The following CD46 variants were observed in gnomAD, a reference collection of about 807,000 sequenced individuals.
CD46 encodes the protein membrane cofactor protein.
A neutral mutation model predicts 53.3 loss-of-function variants in CD46; 30 were observed. The ratio of observed to expected loss-of-function variants is 0.56; its 90% CI spans 0.42 to 0.76. The LOEUF (loss-of-function observed/expected upper bound fraction) is 0.76, where lower values mean the gene tolerates loss of function less well. Among genes scored for constraint, CD46 ranks in the 30% least tolerant of loss-of-function variants. The pLI is 0.00. For missense variants in CD46, 409 were observed against 463.0 expected, an observed-to-expected ratio of 0.88 and a Z score of 1.07; for synonymous variants, 142 against 152.0, an observed-to-expected ratio of 0.93 and a Z score of 0.48.
Position 207,793,647 on chromosome 1 carries a change from A to G in CD46, c.*170A>G, listed in dbSNP as rs535193563. On this transcript the variant is annotated 3_prime_UTR_variant, in exon 13 of 13. Coordinates refer to ENST00000367042, the MANE Select transcript of CD46 (RefSeq NM_172351.3). ...TCTTTTGACTCTATTAAAATCTTCA[A>G]TAGTTGTTATTCTGTAGTTTCACTC... 7 of 1,393,846 alleles carry G rather than the reference A, an allele frequency of 5.0e-6. No individual in the cohort carries two copies. The East Asian group carries it at 6.8e-5, about 14-fold the overall frequency. 86.3% of individuals were successfully genotyped at this position (1,393,846 alleles called of 1,614,324 possible).
intron 8 of CD46, among the ~76,000 whole-genome samples, chr1:207,779,675 T>G (rs1363165428): frequency 6.6e-6 from 1 of 152,148 alleles, no homozygotes; most frequent in Non-Finnish European, 1.5e-5. Context: ...TCTTTGCACT[T>G]AAATCATTAG....
chr1:207,785,653 C>T lies in CD46; in HGVS notation c.1053C>T (p.Tyr351=). The change falls in exon 11 of 13, where the codon TAC becomes TAT. Residue 351 remains tyrosine (Y), a synonymous_variant. Transcript: ENST00000367042. ...VGVAVICVVP[Y]RYLQRRKKKG... is the part of the protein sequence containing the mutation. ...TTGCAGTAATTTGTGTTGTCCCGTA[C>T]AGATATCTTCAAAGGAGGAAGAAGA... is the stretch of plus-strand genomic sequence containing the variant. The T allele has an allele frequency of 6.2e-7, 1 of 1,610,418 alleles. No individual in the cohort carries two copies. The highest frequency in any genetic ancestry group is 1.7e-5 in the Admixed American group (1 of 59,990).
chr1:207,757,709 T>A, intron 3 of CD46, 67 bp downstream of exon 3: 1 of 1,007,496 alleles, frequency 9.9e-7, no homozygotes, highest in Non-Finnish European at 1.5e-6. Context: ...CTTCTCTTCT[T>A]AAGCATTCCT....
In CD46 at chr1:207,759,920, T is replaced by TTA. The variant is rs200306931; in HGVS notation, c.475+197_475+198insAT. The TTA allele has an allele frequency of 1.3e-3, 663 of 512,970 alleles. 4 individuals carry two copies. Among genetic ancestry groups the TTA allele is most frequent in the African/African-American group, 0.011 (588 of 51,524 alleles). 31.8% of individuals were successfully genotyped at this position (512,970 alleles called of 1,614,324 possible). A position where few individuals can be genotyped will look rare whatever the true frequency, so the allele number is the denominator to read the frequency against. ...AATTATTGATTCTTTTTGGTTTTGT[T>TTA]TGTTTTTCCTAAGACACGGTCTCAG... is the stretch of plus-strand genomic sequence containing the variant. On this transcript the variant is annotated intron_variant, in intron 4 of 12. Transcript: ENST00000367042.
intron 6 of CD46, 88 bp from the exon 7 acceptor site, chr1:207,767,691 G>C: frequency 1.3e-6 from 2 of 1,585,558 alleles, no homozygotes; most frequent in Non-Finnish European, 1.7e-6. Context: ...TTCCTTATAT[G>C]TTACAAGATA....
chr1:207,785,007 G>T, intron 9 of CD46, 64 bp from the exon 10 acceptor site: 1 of 1,359,974 alleles, frequency 7.4e-7, no homozygotes, highest in East Asian at 2.3e-5. Context: ...TAGATGATCT[G>T]ATTGAAATAA....
intron 8 of CD46, among the ~76,000 whole-genome samples, chr1:207,782,478 A>G (rs2796278): frequency 1.3e-5 from 2 of 151,816 alleles, no homozygotes; most frequent in South Asian, 4.1e-4. Flanking sequence ...AGTGGCAAAC[A>G]TGGACACCCT....
intron 7 of CD46, chr1:207,769,409 G>A (rs1657221089): frequency 6.6e-6 from 1 of 152,194 alleles, no homozygotes. Flanking sequence ...TTTATACTCA[G>A]TGAGGCATCC....
At chr1:207,788,217 TAAAA>T (rs1292806703) in intron 11 of CD46, among the ~76,000 whole-genome samples, 1 of 152,002 alleles carries the variant, frequency 6.6e-6, no homozygotes, top group Non-Finnish European at 1.5e-5. Context: ...CTTTAACTCT[TAAAA>T]AACAAAGATT....
intron 5 of CD46, among the ~76,000 whole-genome samples, chr1:207,764,814 G>A (rs571628951): frequency 4.6e-5 from 7 of 152,262 alleles, no homozygotes; most frequent in African/African-American, 1.7e-4. Context: ...AAAATTTGTA[G>A]TTAATAACCT....
chr1:207,792,379 G>GT (rs1659875544), intron 12 of CD46, among the ~76,000 whole-genome samples: 1 of 152,134 alleles, frequency 6.6e-6, no homozygotes, highest in Non-Finnish European at 1.5e-5. Flanking sequence ...AGTCCTTAGG[G>GT]AACTGCAATA....
rs751523569 is a variant in CD46 at position 207,790,277 on chromosome 1, C to T, written c.1107C>T (p.His369=). ...GCACATACCTAACTGATGAGACCCA[C>T]AGAGAAGTAAAATTTACTTCTCTCT... is the stretch of plus-strand genomic sequence containing the variant. The part of the protein sequence containing the change: ...KKGTYLTDET[H]REVKFTSL The change falls in exon 12 of 13, where the codon CAC becomes CAT. Residue 369 remains histidine (H), a synonymous_variant. Transcript: ENST00000367042. 3.1e-6 allele frequency: 5 copies of T among 1,595,630 alleles called. No homozygotes were observed. The South Asian group carries it at 5.5e-5, about 18-fold the overall frequency.
chr1:207,761,470 C>T, intron 5 of CD46, 24 bp downstream of exon 5: 1 of 1,581,842 alleles, frequency 6.3e-7, no homozygotes, highest in Non-Finnish European at 8.7e-7. Context: ...TTATTTCCTT[C>T]TTCATTTGTA....
intron 11 of CD46, 54 bp from the exon 12 acceptor site, chr1:207,790,199 C>CT: frequency 9.0e-6 from 8 of 887,042 alleles, no homozygotes; most frequent in Middle Eastern, 4.3e-4. Context: ...CTACTCGTTT[C>CT]TTTTTGGTTT....
chr1:207,770,476 C>G, intron 8 of CD46, 114 bp downstream of exon 8: 2 of 740,164 alleles, frequency 2.7e-6, no homozygotes, highest in Non-Finnish European at 4.7e-6. Context: ...CATAGGTATA[C>G]GTGTGCCATG....
intron 8 of CD46, among the ~76,000 whole-genome samples, chr1:207,782,920 T>TG (rs2102678416): frequency 1.3e-5 from 2 of 152,070 alleles, no homozygotes; most frequent in South Asian, 4.2e-4. Flanking sequence ...CCCAAAGTGC[T>TG]GGGATTACAG....
intron 11 of CD46, among the ~76,000 whole-genome samples, chr1:207,787,231 C>T (rs1459976835): frequency 2.0e-5 from 3 of 152,052 alleles, no homozygotes; most frequent in Admixed American, 6.6e-5. Context: ...CCACCACCAC[C>T]GGCTAATTTG....
chr1:207,781,047 C>T (rs2102668302), intron 8 of CD46, among the ~76,000 whole-genome samples: 1 of 151,278 alleles, frequency 6.6e-6, no homozygotes, highest in South Asian at 2.1e-4. Context: ...GACCCAAACA[C>T]CTCTTAAAGG....
rs149757511 is a variant in CD46, at chr1:207,794,610, C to G, written c.*1133C>G. The G allele has an allele frequency of 5.3e-5, 8 of 152,330 alleles. No individual in the cohort carries two copies. Among genetic ancestry groups the G allele is most frequent in the Non-Finnish European group, 1.0e-4 (7 of 68,030 alleles). 9.4% of individuals were successfully genotyped at this position (152,330 alleles called of 1,614,324 possible). A position where few individuals can be genotyped will look rare whatever the true frequency, so the allele number is the denominator to read the frequency against. On this transcript the variant is annotated 3_prime_UTR_variant, in exon 13 of 13. Transcript: ENST00000367042. The stretch of plus-strand genomic sequence containing the variant: ...CATCTATGTATATGTCTTACCTCAT[C>G]TCCTAAAAGGCAGAGTACAAAGTAA...
Sources: allele counts gnomAD v4.1 joint callset (sites outside exome capture counted in the v4.1 genomes callset), GRCh38; gene constraint gnomAD v4.1.1; transcripts MANE v1.5; gene names NCBI Gene and HGNC (gene_info 2026-07-23, HGNC 2026-07-21).